The following RIMS1 variants were observed in gnomAD, a reference collection of about 807,000 sequenced individuals.
RIMS1 encodes regulating synaptic membrane exocytosis protein 1.
RIMS1 carries 83 observed loss-of-function variants against 214.1 expected under a neutral mutation model. The observed-to-expected ratio is 0.39, with a 90% CI of 0.32 to 0.47. The LOEUF (loss-of-function observed/expected upper bound fraction) is 0.47, where lower values mean the gene tolerates loss of function less well. RIMS1 is among the 20% of genes least tolerant of loss of function. The probability of loss-of-function intolerance (pLI) is 0.99; values close to 1 mark genes in which losing one functional copy is unlikely to be tolerated. For missense variants in RIMS1, 2,050 were observed against 2,161.8 expected (o/e 0.95, Z 1.03); for synonymous variants, 793 against 786.8 (o/e 1.01, Z -0.13).
At position 72,352,983 on chromosome 6, in the gene RIMS1, C is replaced by CTTTTTTTTT. The variant is rs70994123; in HGVS notation, c.4366+19164_4366+19172dup. Among the ~76,000 whole-genome samples the CTTTTTTTTT allele has an allele frequency of 1.9e-3, 169 of 88,270 alleles. 1 individual carries two copies. The highest frequency in any genetic ancestry group is 4.9e-3 in the Admixed American group (33 of 6,718). The allele number at this position is 88,270 out of a possible 152,430, so 57.9% of individuals were successfully genotyped here. On this transcript the variant is annotated intron_variant, in intron 29 of 33. Transcript: ENST00000521978. Reference sequence around the variant, plus strand: ...CATTTGAGAGTTTACATTCTTTTTTCTTTTTTTTTTTTTTTTTTTTTTTTG... The same window carrying CTTTTTTTTT: ...CATTTGAGAGTTTACATTCTTTTTTCTTTTTTTTTTTTTTTTTTTTTTTTTTTTTTTTTG...
At chr6:71,905,493 T>A (rs537418345) in intron 1 of RIMS1, among the ~76,000 whole-genome samples, 1 of 152,096 alleles carries the variant, frequency 6.6e-6, no homozygotes, top group Non-Finnish European at 1.5e-5. Flanking sequence ...CAGGAGATGA[T>A]AGGAAATGTA....
intron 6 of RIMS1, among the ~76,000 whole-genome samples, chr6:72,183,523 T>TAA (rs5877316): frequency 0.029 from 4,292 of 146,380 alleles, 184 homozygotes; most frequent in African/African-American, 0.1. Context: ...AAGTAGACAT[T>TAA]AAAAAAAAAC....
intron 2 of RIMS1, among the ~76,000 whole-genome samples, chr6:72,075,287 G>T (rs569057158): frequency 1.3e-5 from 2 of 151,914 alleles, no homozygotes; most frequent in African/African-American, 2.4e-5. Context: ...CAAAAAAAAC[G>T]TGTAGAGAGA....
intron 26 of RIMS1, among the ~76,000 whole-genome samples, chr6:72,292,995 T>C (rs1331883546): frequency 2.0e-5 from 3 of 152,064 alleles, no homozygotes; most frequent in Non-Finnish European, 4.4e-5. Context: ...GTACATGTTT[T>C]TCTCACTTAA....
At chr6:72,217,347 T>C (rs2056596109) in intron 6 of RIMS1, 1 of 1,037,782 alleles carries the variant, frequency 9.6e-7, no homozygotes. Context: ...TTAGATTCTA[T>C]CAGTAGAGAA....
At chr6:72,186,985 GC>G (rs1288383418) in intron 6 of RIMS1, among the ~76,000 whole-genome samples, 1 of 152,132 alleles carries the variant, frequency 6.6e-6, no homozygotes, top group African/African-American at 2.4e-5. Flanking sequence ...CAAAAAATTA[GC>G]CAGGTGTGGT....
intron 4 of RIMS1, among the ~76,000 whole-genome samples, chr6:72,128,406 T>G (rs990274316): frequency 1.3e-5 from 2 of 151,320 alleles, no homozygotes; most frequent in African/African-American, 4.9e-5. Context: ...TGTCCTTTTT[T>G]AAAAAAAAAT....
intron 32 of RIMS1, among the ~76,000 whole-genome samples, chr6:72,398,738 T>G (rs1225710091): frequency 5.3e-5 from 8 of 152,284 alleles, no homozygotes; most frequent in Non-Finnish European, 8.8e-5. Context: ...TTCAAATAAC[T>G]TTGTATACAT....
chr6:72,167,854 T>G (rs2046475705), intron 4 of RIMS1, among the ~76,000 whole-genome samples: 1 of 152,044 alleles, frequency 6.6e-6, no homozygotes. Context: ...ATTTTATTAA[T>G]CCTTTCAATA....
intron 28 of RIMS1, chr6:72,316,538 C>A: frequency 2.6e-6 from 1 of 381,368 alleles, no homozygotes; most frequent in Non-Finnish European, 5.1e-6. Context: ...GCCTTGGCTC[C>A]CTATCAAGAA....
chr6:72,014,193 G>T (rs1811885263), intron 2 of RIMS1, among the ~76,000 whole-genome samples: 1 of 152,192 alleles, frequency 6.6e-6, no homozygotes. Flanking sequence ...AGAAGTGAGT[G>T]GCAAGTGAAG....
intron 2 of RIMS1, among the ~76,000 whole-genome samples, chr6:72,006,976 G>A (rs1807961859): frequency 6.6e-6 from 1 of 152,196 alleles, no homozygotes; most frequent in Non-Finnish European, 1.5e-5. Flanking sequence ...GAAGACAGTA[G>A]TCATTCTCCC....
At position 72,119,649 on chromosome 6, in the gene RIMS1, T is replaced by C. The variant is rs549178210; in HGVS notation, c.471+19663T>C. Reference sequence around the variant, plus strand: ...ATCAAGACATAAAGCCAAATACTTATAGCCAACTGATTTTTTTTTAATACT... The same window carrying C: ...ATCAAGACATAAAGCCAAATACTTACAGCCAACTGATTTTTTTTTAATACT... On this transcript the variant is annotated intron_variant, in intron 4 of 33. Transcript: ENST00000521978. Among the ~76,000 whole-genome samples, 227 of 151,762 alleles carry C rather than the reference T, an allele frequency of 1.5e-3. 1 individual carries two copies. Among genetic ancestry groups the C allele is most frequent in the Middle Eastern group, 0.01 (3 of 294 alleles).
chr6:71,912,665 A>G (rs1335038875), intron 1 of RIMS1, among the ~76,000 whole-genome samples: 1 of 152,182 alleles, frequency 6.6e-6, no homozygotes, highest in African/African-American at 2.4e-5. Context: ...TCGATGAAAC[A>G]TTTGGCAAAT....
rs1332567308 is a variant in RIMS1 at position 72,096,963 on chromosome 6, A to G, written c.260A>G (p.Gln87Arg). The G allele has an allele frequency of 6.2e-7, 1 of 1,613,452 alleles. No individual in the cohort carries two copies. The highest frequency in any genetic ancestry group is 8.5e-7 in the Non-Finnish European group (1 of 1,179,602). Reference protein sequence around the residue: ...PHQPSPRLHQQFESYKEQVRK... With the variant: ...PHQPSPRLHQRFESYKEQVRK... ...CTTTTGCCTAGGAGATTGCATCAAC[A>G]GTTTGAAAGCTATAAGGAACAAGTG... The change falls in exon 3 of 34, where the codon CAG (glutamine) becomes CGG (arginine). Residue 87 changes from glutamine to arginine, a missense_variant. By Grantham distance (43) the Gln-to-Arg change is conservative. Around this residue, in one of 6 missense-constraint regions of RIMS1, gnomAD observed 882 missense variants for 828.9 expected, o/e 1.06. Coordinates refer to ENST00000521978, the MANE Select transcript of RIMS1 (RefSeq NM_014989.7).
chr6:72,342,846 G>A (rs1414608961), intron 29 of RIMS1, among the ~76,000 whole-genome samples: 2 of 151,650 alleles, frequency 1.3e-5, no homozygotes, highest in African/African-American at 4.8e-5. Context: ...TTTTTTCCTT[G>A]AGTATGACAG....
chr6:72,261,710 G>A, intron 19 of RIMS1: 4 of 985,220 alleles, frequency 4.1e-6, no homozygotes, highest in Non-Finnish European at 4.8e-6. Context: ...GATTTATTAT[G>A]TCTGTGTGTA....
At chr6:72,291,407 G>A (rs538310595) in intron 25 of RIMS1, among the ~76,000 whole-genome samples, 1 of 152,170 alleles carries the variant, frequency 6.6e-6, no homozygotes, top group East Asian at 1.9e-4. Flanking sequence ...CATATGTCCA[G>A]GATTATTTTA....
In RIMS1 at chr6:72,176,779, A is replaced by G. The variant is rs561839851; in HGVS notation, c.472-2796A>G. Among the ~76,000 whole-genome samples, 17 of 152,360 alleles carry G rather than the reference A, an allele frequency of 1.1e-4. No homozygotes were observed. In the South Asian group the frequency reaches 3.5e-3, roughly 32 times the overall value. ...TCACAGACTTAAATGAATACAAAGT[A>G]TTTTAAGAATAGAATTTAAAATGCC... is the stretch of plus-strand genomic sequence containing the variant. On this transcript the variant is annotated intron_variant, in intron 4 of 33. Coordinates refer to ENST00000521978, the MANE Select transcript of RIMS1 (RefSeq NM_014989.7).
Sources: allele counts gnomAD v4.1 joint callset (sites outside exome capture counted in the v4.1 genomes callset), GRCh38; gene constraint gnomAD v4.1.1; regional missense constraint gnomAD v4.1.1; transcripts MANE v1.5; gene names NCBI Gene and HGNC (gene_info 2026-07-23, HGNC 2026-07-21).